CFAP46: variants seen among roughly 807,000 people sequenced by gnomAD.
CFAP46 encodes cilia and flagella associated protein 46.
In CFAP46, 245 loss-of-function variants were observed where a neutral mutation model predicts 325.7. The ratio of observed to expected loss-of-function variants is 0.75; its 90% CI spans 0.68 to 0.84. The LOEUF is 0.84. CFAP46 is among the 40% of genes least tolerant of loss of function. The pLI is 0.00. For synonymous variants in CFAP46, 1,523 were observed against 1,495.9 expected, an observed-to-expected ratio of 1.02 and a Z score of -0.42; for missense variants, 3,346 against 3,543.0, an observed-to-expected ratio of 0.94 and a Z score of 1.41.
Position 132,860,968 on chromosome 10 carries a change from A to G in CFAP46, c.4905T>C (p.Pro1635=). 1 of 1,550,644 alleles carries G rather than the reference A, an allele frequency of 6.4e-7. No individual in the cohort carries two copies. The highest frequency in any genetic ancestry group is 8.7e-7 in the Non-Finnish European group (1 of 1,147,024). ...GGAGCAGGCACTGGGCCTCTGCACA[A>G]GGCTCATCCAGCTCCTGAAGGAGAG... is the stretch of plus-strand genomic sequence containing the variant. The part of the protein sequence containing the change: ...AYLAFQELDE[P]CAEAQCLLLL... The change falls in exon 36 of 58, where the codon CCT becomes CCC. Residue 1635 remains proline (P), a synonymous_variant. Transcript: ENST00000368586.
In CFAP46 at chr10:132,808,716, G is replaced by A. The variant is rs951766225; in HGVS notation, c.7853C>T (p.Pro2618Leu). The change falls in exon 58 of 58, where the codon CCA becomes CTA. Residue 2618 changes from proline (P) to leucine (L), a missense_variant. By Grantham distance (98) the Pro-to-Leu change is moderately conservative. Coordinates refer to ENST00000368586, the MANE Select transcript of CFAP46 (RefSeq NM_001200049.3). This position sits in a 1 kb window ranked among gnomAD's most constrained non-coding sequence, Gnocchi z 6.8. Reference sequence around the variant, plus strand: ...GGGAGCCGGGAGGTGGGGATGGGTTGGCAGAGGGGCAGAGCCAAGGGCAGA... The same window carrying A: ...GGGAGCCGGGAGGTGGGGATGGGTTAGCAGAGGGGCAGAGCCAAGGGCAGA... ...LASALGSAPLPTHPHLPAPIP... is the reference protein window; with the variant it reads ...LASALGSAPLLTHPHLPAPIP... The A allele has an allele frequency of 1.3e-6, 2 of 1,567,718 alleles. No individual in the cohort carries two copies. Among genetic ancestry groups the A allele is most frequent in the Admixed American group, 1.9e-5 (1 of 52,310 alleles).
In CFAP46 at chr10:132,814,766, T is replaced by A; in HGVS notation, c.7189-20A>T. The A allele has an allele frequency of 6.2e-7, 1 of 1,613,574 alleles. No individual in the cohort carries two copies. Among genetic ancestry groups the A allele is most frequent in the Middle Eastern group, 1.7e-4 (1 of 6,022 alleles). On this transcript the variant is annotated intron_variant, in intron 51 of 57. Transcript: ENST00000368586. ...GCTGCCCTGCAACCACAGACCAGGG[T>A]CAGCAGGTGCAGGGGCCAGGAGCCT...
At chr10:132,900,151 C>T (rs936514351) in intron 22 of CFAP46, among the ~76,000 whole-genome samples, 5 of 152,212 alleles carry the variant, frequency 3.3e-5, no homozygotes, top group Admixed American at 3.3e-4. Context: ...AATGACTAAT[C>T]TTTAGAGGGA....
chr10:132,846,457 C>A (rs1221185282), intron 43 of CFAP46, among the ~76,000 whole-genome samples: 1 of 152,182 alleles, frequency 6.6e-6, no homozygotes, highest in Non-Finnish European at 1.5e-5. Context: ...GCACTGCTGG[C>A]CTGTGACTGC....
At position 132,920,089 on chromosome 10, in the gene CFAP46, C is replaced by T. The variant is rs1439877538; in HGVS notation, c.1700G>A (p.Arg567Gln). The change falls in exon 14 of 58, where the codon CGG (arginine) becomes CAG (glutamine). Residue 567 changes from arginine (R) to glutamine (Q), a missense_variant. Arg to Gln is a conservative substitution (Grantham distance 43). Coordinates refer to ENST00000368586, the MANE Select transcript of CFAP46 (RefSeq NM_001200049.3). ...VSVDKAAGHL[R>Q]RLGNENDKER... is the part of the protein sequence containing the mutation. ...CTTGTCGTTTTCGTTGCCCAGGCGCCGCAGGTGCCCGGCAGCTTTGTCCAC... is the reference window on the plus strand; with the variant it reads ...CTTGTCGTTTTCGTTGCCCAGGCGCTGCAGGTGCCCGGCAGCTTTGTCCAC... 3.9e-6 allele frequency: 6 copies of T among 1,548,142 alleles called. No homozygotes were observed. Among genetic ancestry groups the T allele is most frequent in the South Asian group, 1.2e-5 (1 of 83,872 alleles).
At chr10:132,873,557 T>A (rs1848923581) in intron 31 of CFAP46, among the ~76,000 whole-genome samples, 1 of 152,138 alleles carries the variant, frequency 6.6e-6, no homozygotes, top group African/African-American at 2.4e-5. Context: ...CGCATCGTGC[T>A]GCAGGCTGGG....
chr10:132,878,038 G>A lies in CFAP46; in HGVS notation c.4055C>T (p.Ala1352Val), dbSNP rs1022834963. The A allele has an allele frequency of 9.7e-6, 15 of 1,547,762 alleles. No individual in the cohort carries two copies. Among genetic ancestry groups the A allele is most frequent in the Non-Finnish European group, 1.2e-5 (14 of 1,145,784 alleles). ...GKSVLENRPLAATSSHLLLPK... is the reference protein window; with the variant it reads ...GKSVLENRPLVATSSHLLLPK... ...CAATAACAGATGTGAGCTGGTTGCT[G>A]CCAGGGGTCTGTTTTCCAGAACTGA... Residue 1352 changes from alanine (A) to valine (V), a missense_variant, in exon 30 of 58, where the codon GCA becomes GTA. Ala to Val is a moderately conservative substitution (Grantham distance 64). Coordinates refer to ENST00000368586, the MANE Select transcript of CFAP46 (RefSeq NM_001200049.3).
At chr10:132,848,414 G>T (rs1275004314) in intron 41 of CFAP46, among the ~76,000 whole-genome samples, 1 of 152,132 alleles carries the variant, frequency 6.6e-6, no homozygotes, top group African/African-American at 2.4e-5. Flanking sequence ...ACCAAGCTGC[G>T]GCAGCACTGG....
At chr10:132,863,048 G>C (rs938734079) in intron 35 of CFAP46, among the ~76,000 whole-genome samples, 4 of 152,166 alleles carry the variant, frequency 2.6e-5, no homozygotes, top group African/African-American at 9.7e-5. Flanking sequence ...AGCGGCTGCA[G>C]GAAGGAGGGT....
At chr10:132,810,598 G>T in intron 56 of CFAP46, 109 bp from the exon 57 acceptor site, 2 of 969,210 alleles carry the variant, frequency 2.1e-6, no homozygotes, top group Middle Eastern at 2.1e-4. Context: ...CCCATAAGAC[G>T]CTGGCCCGCA....
rs149641949 is a variant in CFAP46 at position 132,862,655 on chromosome 10, C to T, written c.4891-1673G>A. On this transcript the variant is annotated intron_variant, in intron 35 of 57. Coordinates refer to ENST00000368586, the MANE Select transcript of CFAP46 (RefSeq NM_001200049.3). ...GGAGAGCCCAGGGGAGGTCAGACCC[C>T]CGAGAGACAAGGCCACTGTGTGGGT... Among the ~76,000 whole-genome samples, 1,404 of 151,952 alleles carry T rather than the reference C, an allele frequency of 9.2e-3. 12 individuals carry two copies. Among genetic ancestry groups the T allele is most frequent in the South Asian group, 0.043 (205 of 4,786 alleles).
At chr10:132,853,963 G>A (rs1337840219) in intron 39 of CFAP46, among the ~76,000 whole-genome samples, 1 of 152,038 alleles carries the variant, frequency 6.6e-6, no homozygotes, top group Non-Finnish European at 1.5e-5. Context: ...ACTAGCTTTG[G>A]TTTCATTACT....
Position 132,847,317 on chromosome 10 carries a change from C to T in CFAP46, c.5957G>A (p.Gly1986Asp), listed in dbSNP as rs746983714. ...TCYWEAGPSVGAKLSGLKSLE... is the reference protein window; with the variant it reads ...TCYWEAGPSVDAKLSGLKSLE... ...AGACTTGAGGCCGCTCAGCTTGGCGCCCACCTGTGACACACATTGCAGGTT... is the reference window on the plus strand; with the variant it reads ...AGACTTGAGGCCGCTCAGCTTGGCGTCCACCTGTGACACACATTGCAGGTT... Residue 1986 changes from glycine (G) to aspartate (D), a missense_variant, in exon 42 of 58, where the codon GGC becomes GAC. Gly to Asp is a moderately conservative substitution (Grantham distance 94). Transcript: ENST00000368586. This position sits in a 1 kb window ranked among gnomAD's most constrained non-coding sequence, Gnocchi z 5.2. 6.8e-6 allele frequency: 11 copies of T among 1,613,362 alleles called. No homozygotes were observed. The Admixed American group carries it at 1.2e-4, about 17-fold the overall frequency.
chr10:132,918,404 T>A lies in CFAP46; in HGVS notation c.1975A>T (p.Ile659Phe). The change falls in exon 16 of 58, where the codon ATC becomes TTC. Residue 659 changes from isoleucine to phenylalanine, a missense_variant. Physicochemically the swap from Ile to Phe is conservative, Grantham distance 21 (BLOSUM62 0). Transcript: ENST00000368586. Reference protein sequence around the residue: ...LLRKFAEVGFIHAEATVHLLR... With the variant: ...LLRKFAEVGFFHAEATVHLLR... The stretch of plus-strand genomic sequence containing the variant: ...TCTCCATGACGCACCTCAGCATGGA[T>A]GAACCCCACCTCCGCGAACTTCCGC... 1.3e-6 allele frequency: 2 copies of A among 1,546,960 alleles called. No homozygotes were observed. Among genetic ancestry groups the A allele is most frequent in the Non-Finnish European group, 1.7e-6 (2 of 1,145,136 alleles).
At chr10:132,914,016 C>G (rs1338929965) in intron 17 of CFAP46, among the ~76,000 whole-genome samples, 2 of 152,180 alleles carry the variant, frequency 1.3e-5, no homozygotes, top group African/African-American at 2.4e-5. Flanking sequence ...CCCTGCAAAC[C>G]TCTGGCCCCC....
chr10:132,845,928 G>T, intron 44 of CFAP46, 129 bp downstream of exon 44: 1 of 1,036,962 alleles, frequency 9.6e-7, no homozygotes, highest in Non-Finnish European at 1.4e-6. Flanking sequence ...GGGGGCACGG[G>T]GAGGGATGGC....
intron 31 of CFAP46, among the ~76,000 whole-genome samples, chr10:132,873,553 G>A (rs774450539): frequency 7.2e-5 from 11 of 152,134 alleles, no homozygotes; most frequent in African/African-American, 2.4e-4. Flanking sequence ...GCTCCGCATC[G>A]TGCTGCAGGC....
At chr10:132,890,540 C>T (rs1437313673) in intron 25 of CFAP46, among the ~76,000 whole-genome samples, 1 of 151,960 alleles carries the variant, frequency 6.6e-6, no homozygotes, top group Non-Finnish European at 1.5e-5. Flanking sequence ...AGTGCGGAGT[C>T]CCCCCCAGAG....
chr10:132,905,761 C>T (rs906200357), intron 22 of CFAP46, among the ~76,000 whole-genome samples: 5 of 152,346 alleles, frequency 3.3e-5, no homozygotes, highest in Admixed American at 1.3e-4. Context: ...CTGATCCTGG[C>T]CTGGTATCTC....
Sources: gnomAD v4.1 joint callset for allele counts (sites outside exome capture counted in the v4.1 genomes callset) on GRCh38, gnomAD v4.1.1 for gene constraint, Gnocchi (gnomAD v3.1) non-coding constraint, MANE v1.5 for transcripts, NCBI Gene and HGNC (gene_info 2026-07-23, HGNC 2026-07-21) for gene names.